GNB4: variants seen among roughly 807,000 people sequenced by gnomAD.
GNB4 encodes the protein G protein subunit beta 4.
GNB4 carries 28 observed loss-of-function variants against 45.2 expected under a neutral mutation model. The observed-to-expected ratio is 0.62, with a 90% confidence interval of 0.46 to 0.85. The LOEUF is 0.85. GNB4 is among the 40% of genes least tolerant of loss of function. GNB4 has a pLI of 0.00. For synonymous variants in GNB4, 132 were observed against 143.7 expected, an observed-to-expected ratio of 0.92 and a Z score of 0.58; for missense variants, 321 against 425.4, an observed-to-expected ratio of 0.75 and a Z score of 2.16.
chr3:179,489,004 A>AT, the GNB4 span, among the ~76,000 whole-genome samples: 2 of 39,160 alleles, frequency 5.1e-5, no homozygotes, highest in Admixed American at 3.5e-4. Flanking sequence ...AAAAAAAAAA[A>AT]AAAAAAAAAA....
intron 4 of GNB4, among the ~76,000 whole-genome samples, chr3:179,417,122 G>GC (rs1348099121): frequency 6.6e-6 from 1 of 152,146 alleles, no homozygotes; most frequent in Non-Finnish European, 1.5e-5. Context: ...AGGAACAATG[G>GC]CTAGATGAGT....
the GNB4 span, among the ~76,000 whole-genome samples, chr3:179,460,459 T>G: frequency 2.6e-5 from 4 of 152,206 alleles, no homozygotes; most frequent in African/African-American, 9.6e-5. Flanking sequence ...TCCTCTTTAG[T>G]GACAATGAGT....
the GNB4 span, among the ~76,000 whole-genome samples, chr3:179,525,775 GT>G: frequency 2.6e-5 from 4 of 151,934 alleles, no homozygotes; most frequent in African/African-American, 9.7e-5. Flanking sequence ...AGATTGAAGG[GT>G]AGCGAGAGAG....
intron 1 of GNB4, among the ~76,000 whole-genome samples, chr3:179,432,858 G>C (rs1047307581): frequency 6.6e-6 from 1 of 152,134 alleles, no homozygotes; most frequent in Non-Finnish European, 1.5e-5. Flanking sequence ...AGAAATCAGG[G>C]AAGTGGCAAA....
At chr3:179,499,113 C>A in the GNB4 span, among the ~76,000 whole-genome samples, 2 of 151,122 alleles carry the variant, frequency 1.3e-5, no homozygotes, top group Non-Finnish European at 2.9e-5. Flanking sequence ...TTTATGGCTG[C>A]ATAGTATTCC....
intron 1 of GNB4, among the ~76,000 whole-genome samples, chr3:179,447,322 G>C (rs1357200562): frequency 2.1e-5 from 3 of 142,114 alleles, no homozygotes; most frequent in Non-Finnish European, 4.5e-5. Flanking sequence ...CCAGAGCCCA[G>C]TCACCGTCTC....
Position 179,398,688 on chromosome 3 carries a change from A to G in GNB4, c.*2525T>C, listed in dbSNP as rs1385788729. 6.6e-6 allele frequency: 1 copy of G among 152,230 alleles called. No homozygotes were observed. The highest frequency in any genetic ancestry group is 1.5e-5 in the Non-Finnish European group (1 of 68,036). The allele number at this position is 152,230 out of a possible 1,614,324, so 9.4% of individuals were successfully genotyped here. On this transcript the variant is annotated 3_prime_UTR_variant, in exon 10 of 10. Coordinates refer to ENST00000232564, the MANE Select transcript of GNB4 (RefSeq NM_021629.4). The stretch of plus-strand genomic sequence containing the variant: ...TTCAGGAACAATAACAGAATTCAAC[A>G]ATCAGCTCAACTTAAACTGTAAGTA...
At position 179,400,354 on chromosome 3, in the gene GNB4, T is replaced by C. The variant is rs970141627; in HGVS notation, c.*859A>G. ...TGTTCAGATGCAGGGACAATCCCAATGTTTACCAAACTTCTGAAAGATGAG... is the reference window on the plus strand; with the variant it reads ...TGTTCAGATGCAGGGACAATCCCAACGTTTACCAAACTTCTGAAAGATGAG... On this transcript the variant is annotated 3_prime_UTR_variant, in exon 10 of 10. Transcript: ENST00000232564. 2.6e-5 allele frequency: 4 copies of C among 152,230 alleles called. No individual in the cohort carries two copies. Among genetic ancestry groups the C allele is most frequent in the Non-Finnish European group, 4.4e-5 (3 of 68,048 alleles). 9.4% of individuals were successfully genotyped at this position (152,230 alleles called of 1,614,324 possible). A position where few individuals can be genotyped will look rare whatever the true frequency, so the allele number is the denominator to read the frequency against.
chr3:179,416,563 GAACA>G lies in GNB4; in HGVS notation c.204-11_204-8del. On this transcript the variant is annotated splice_polypyrimidine_tract_variant and splice_region_variant and intron_variant, in intron 4 of 9. Transcript: ENST00000232564. ...AGAAGCACTGACTAGCAGCCTAGAG[GAACA>G]AACACAAAAATAATTTGACACTTAG... The G allele has an allele frequency of 6.4e-7, 1 of 1,574,544 alleles. No individual in the cohort carries two copies. Among genetic ancestry groups the G allele is most frequent in the Non-Finnish European group, 8.6e-7 (1 of 1,157,578 alleles).
intron 8 of GNB4, chr3:179,410,349 T>C (rs965602395): frequency 3.3e-5 from 5 of 152,162 alleles, no homozygotes; most frequent in Non-Finnish European, 7.3e-5. Context: ...GATTTATTTA[T>C]TGATTGATAG....
rs533223615 is a variant in GNB4 at position 179,422,406 on chromosome 3, C to T, written c.58-1479G>A. Among the ~76,000 whole-genome samples the T allele has an allele frequency of 2.0e-4, 30 of 151,440 alleles. No individual in the cohort carries two copies. The South Asian group carries it at 5.7e-3, about 29-fold the overall frequency. ...CTTTGGGAGGCCGAGGAGGAAGGAT[C>T]GCTCGAGCCCAGGAGTTTTAGATAA... On this transcript the variant is annotated intron_variant, in intron 2 of 9. Coordinates refer to ENST00000232564, the MANE Select transcript of GNB4 (RefSeq NM_021629.4).
At chr3:179,443,057 A>G (rs1161453230) in intron 1 of GNB4, among the ~76,000 whole-genome samples, 6 of 152,228 alleles carry the variant, frequency 3.9e-5, no homozygotes, top group Non-Finnish European at 5.9e-5. Flanking sequence ...TCCCACCATT[A>G]AAGGGTTAGA....
chr3:179,440,880 T>TAGAGAGAGAGAGAG lies in GNB4; in HGVS notation c.-43+10452_-43+10465dup, dbSNP rs141411562. Among the ~76,000 whole-genome samples the TAGAGAGAGAGAGAG allele has an allele frequency of 7.5e-3, 1,123 of 149,094 alleles. 11 individuals carry two copies. The highest frequency in any genetic ancestry group is 0.023 in the African/African-American group (928 of 40,546). On this transcript the variant is annotated intron_variant, in intron 1 of 9. Transcript: ENST00000232564. Reference sequence around the variant, plus strand: ...AAAAATTCCTATATATATAGATAGATAGAGAGAGAGAGAGAGAGAGAGATA... The same window carrying TAGAGAGAGAGAGAG: ...AAAAATTCCTATATATATAGATAGATAGAGAGAGAGAGAGAGAGAGAGAGAGAGAGAGAGAGATA...
At chr3:179,432,845 A>C (rs1715345222) in intron 1 of GNB4, among the ~76,000 whole-genome samples, 1 of 152,154 alleles carries the variant, frequency 6.6e-6, no homozygotes, top group Non-Finnish European at 1.5e-5. Context: ...TTTAATAAGA[A>C]ACAGAAATCA....
At chr3:179,444,310 C>T (rs1236839835) in intron 1 of GNB4, among the ~76,000 whole-genome samples, 11 of 151,886 alleles carry the variant, frequency 7.2e-5, no homozygotes, top group Non-Finnish European at 4.4e-5. Flanking sequence ...AATTTTAATT[C>T]CCATAGTAAG....
chr3:179,485,000 G>GTTT, the GNB4 span, among the ~76,000 whole-genome samples: 34 of 124,216 alleles, frequency 2.7e-4, 2 homozygotes, highest in African/African-American at 1.0e-3. Context: ...AACTTTTTTC[G>GTTT]TTTTGTTTTT....
the GNB4 span, among the ~76,000 whole-genome samples, chr3:179,525,867 C>T: frequency 6.6e-6 from 1 of 152,210 alleles, no homozygotes; most frequent in South Asian, 2.1e-4. Context: ...CTGACGACCC[C>T]AGTTCACAGG....
chr3:179,505,699 A>G, the GNB4 span, among the ~76,000 whole-genome samples: 2 of 152,212 alleles, frequency 1.3e-5, no homozygotes, highest in Admixed American at 6.5e-5. Context: ...GTATGTGTCT[A>G]TATAATGAGT....
chr3:179,419,306 T>G (rs1714905556), intron 4 of GNB4, 93 bp downstream of exon 4: 8 of 829,366 alleles, frequency 9.6e-6, no homozygotes, highest in Non-Finnish European at 1.7e-5. Context: ...CATGAATATA[T>G]TCTGTTTTTA....
Sources: allele counts gnomAD v4.1 joint callset (sites outside exome capture counted in the v4.1 genomes callset), GRCh38; gene constraint gnomAD v4.1.1; transcripts MANE v1.5; gene names NCBI Gene and HGNC (gene_info 2026-07-23, HGNC 2026-07-21).